CLCA2: variants seen among roughly 807,000 people sequenced by gnomAD.
CLCA2 encodes chloride channel accessory 2.
In CLCA2, 85 loss-of-function variants were observed where a neutral mutation model predicts 82.9. That is an observed-to-expected ratio of 1.03 (90% CI 0.86 to 1.23). The LOEUF is 1.23. CLCA2 is among the 50% of genes most tolerant of loss of function. The pLI is 0.00. For synonymous variants in CLCA2, 421 were observed against 391.7 expected (o/e 1.07, Z -0.88); for missense variants, 1,089 against 1,124.8 (o/e 0.97, Z 0.45).
At chr1:86,438,377 C>A (rs1041591658) in intron 6 of CLCA2, among the ~76,000 whole-genome samples, 1 of 152,170 alleles carries the variant, frequency 6.6e-6, no homozygotes, top group Admixed American at 6.5e-5. Context: ...ATTTCATAAA[C>A]AAGAAAGCTA....
chr1:86,441,502 A>C lies in CLCA2; in HGVS notation c.1447A>C (p.Ile483Leu). The C allele has an allele frequency of 6.2e-7, 1 of 1,612,484 alleles. No homozygotes were observed. Among genetic ancestry groups the C allele is most frequent in the Non-Finnish European group, 8.5e-7 (1 of 1,178,838 alleles). Residue 483 changes from isoleucine to leucine, a missense_variant, in exon 9 of 14, where the codon ATT becomes CTT. Ile to Leu is a conservative substitution (Grantham distance 5). Transcript: ENST00000370565. ...TAGCATGATTGATGCTTTCAGTAGA[A>C]TTTCCTCTGGAACTGGAGACATTTT... is the stretch of plus-strand genomic sequence containing the variant. ...SNSMIDAFSRISSGTGDIFQQ... is the reference protein window; with the variant it reads ...SNSMIDAFSRLSSGTGDIFQQ...
chr1:86,439,040 T>C lies in CLCA2; in HGVS notation c.1137T>C (p.Tyr379=). 1 of 1,614,168 alleles carries C rather than the reference T, an allele frequency of 6.2e-7. No homozygotes were observed. The highest frequency in any genetic ancestry group is 2.2e-5 in the East Asian group (1 of 44,874). ...ATGATCGAAAGTTGCTGGTTTCATA[T>C]CTGCCCACCACTGTATCAGCTAAAA... ...SNDDRKLLVS[Y]LPTTVSAKTD... Residue 379 remains tyrosine, a synonymous_variant, in exon 7 of 14, where the codon TAT becomes TAC. Coordinates refer to ENST00000370565, the MANE Select transcript of CLCA2 (RefSeq NM_006536.7).
rs1324049774 is a variant in CLCA2, at chr1:86,444,324, T to C, written c.1713+313T>C. ...CATACAAACACACTTTTCTATATGC[T>C]TAGAAAAAAATCTCTACTTAGAATT... On this transcript the variant is annotated intron_variant, in intron 10 of 13. Coordinates refer to ENST00000370565, the MANE Select transcript of CLCA2 (RefSeq NM_006536.7). Among the ~76,000 whole-genome samples the C allele has an allele frequency of 4.6e-5, 7 of 152,210 alleles. No homozygotes were observed. The East Asian group carries it at 1.2e-3, about 25-fold the overall frequency.
intron 12 of CLCA2, 129 bp from the exon 13 acceptor site, chr1:86,453,240 A>G: frequency 3.1e-6 from 2 of 637,720 alleles, no homozygotes; most frequent in South Asian, 3.9e-5. Context: ...GTATTGTACA[A>G]ATACACTCAG....
In CLCA2 at chr1:86,456,438, G is replaced by A. The variant is rs550807878; in HGVS notation, c.*911G>A. 2 of 152,204 alleles carry A rather than the reference G, an allele frequency of 1.3e-5. No individual in the cohort carries two copies. Among genetic ancestry groups the A allele is most frequent in the East Asian group, 1.9e-4 (1 of 5,188 alleles). The allele number at this position is 152,204 out of a possible 1,614,324, so 9.4% of individuals were successfully genotyped here. On this transcript the variant is annotated 3_prime_UTR_variant, in exon 14 of 14. Coordinates refer to ENST00000370565, the MANE Select transcript of CLCA2 (RefSeq NM_006536.7). ...ATCAAGAGTTACTTACCAAGGGCAG[G>A]GGAAGGGGGATATAGAGGTCACAAG...
chr1:86,425,358 C>T lies in CLCA2; in HGVS notation c.206C>T (p.Ser69Leu). The T allele has an allele frequency of 1.3e-6, 2 of 1,558,088 alleles. No homozygotes were observed. The highest frequency in any genetic ancestry group is 1.3e-5 in the South Asian group (1 of 79,924). Reference protein sequence around the residue: ...SNIKEMITEASFYLFNATKRR... With the variant: ...SNIKEMITEALFYLFNATKRR... ...CTGTAGGAAATGATAACTGAAGCTT[C>T]ATTTTACCTATTTAATGCTACCAAG... Residue 69 changes from serine to leucine, a missense_variant, in exon 2 of 14, where the codon TCA (serine) becomes TTA (leucine). Coordinates refer to ENST00000370565, the MANE Select transcript of CLCA2 (RefSeq NM_006536.7).
chr1:86,428,146 G>T (rs1338090523), intron 2 of CLCA2, among the ~76,000 whole-genome samples: 1 of 152,178 alleles, frequency 6.6e-6, no homozygotes, highest in Non-Finnish European at 1.5e-5. Flanking sequence ...TCAAATGGAA[G>T]TAATTAGGTT....
At chr1:86,428,947 A>G (rs1662442386) in intron 3 of CLCA2, among the ~76,000 whole-genome samples, 1 of 152,316 alleles carries the variant, frequency 6.6e-6, no homozygotes, top group African/African-American at 2.4e-5. Flanking sequence ...TTAAAGGCAT[A>G]TAGGAGAGAC....
At chr1:86,446,293 C>T (rs1003363825) in intron 10 of CLCA2, among the ~76,000 whole-genome samples, 1 of 150,336 alleles carries the variant, frequency 6.7e-6, no homozygotes, top group African/African-American at 2.5e-5. Context: ...CATACCAGAC[C>T]CTTCATGTTT....
At position 86,455,509 on chromosome 1, in the gene CLCA2, T is replaced by C. The variant is rs141528729; in HGVS notation, c.2814T>C (p.Asn938=). The C allele has an allele frequency of 3.6e-5, 53 of 1,482,578 alleles. No homozygotes were observed. The highest frequency in any genetic ancestry group is 1.0e-4 in the Admixed American group (4 of 39,728). The allele number at this position is 1,482,578 out of a possible 1,614,324, so 91.8% of individuals were successfully genotyped here. A position where few individuals can be genotyped will look rare whatever the true frequency, so the allele number is the denominator to read the frequency against. ...AAAAGAGAGCAGACAAGAAAGAGAA[T>C]GGAACAAAATTATTATAAATAAATA... ...SRKKRADKKE[N]GTKLL is the part of the protein sequence containing the mutation. The change falls in exon 14 of 14, where the codon AAT becomes AAC. Residue 938 remains asparagine (N), a synonymous_variant. Transcript: ENST00000370565.
chr1:86,440,142 G>A lies in CLCA2; in HGVS notation c.1204-6G>A, dbSNP rs1307157848. On this transcript the variant is annotated splice_polypyrimidine_tract_variant and splice_region_variant and intron_variant, in intron 7 of 13. Coordinates refer to ENST00000370565, the MANE Select transcript of CLCA2 (RefSeq NM_006536.7). ...TCCTTCCAAGTGACTAATTCTCTATGTTCAGGTGGTTGAAAAACTGAATGG... is the reference window on the plus strand; with the variant it reads ...TCCTTCCAAGTGACTAATTCTCTATATTCAGGTGGTTGAAAAACTGAATGG... 8 of 1,613,246 alleles carry A rather than the reference G, an allele frequency of 5.0e-6. No individual in the cohort carries two copies. The East Asian group carries it at 1.6e-4, about 31-fold the overall frequency.
intron 6 of CLCA2, among the ~76,000 whole-genome samples, chr1:86,435,342 A>G (rs1662586979): frequency 6.6e-6 from 1 of 152,192 alleles, no homozygotes; most frequent in Admixed American, 6.5e-5. Flanking sequence ...AATGATCGAA[A>G]ATTCTTATGT....
chr1:86,434,598 A>G lies in CLCA2; in HGVS notation c.825A>G (p.Ala275=), dbSNP rs778080570. The change falls in exon 6 of 14, where the codon GCA becomes GCG. Residue 275 remains alanine (A), a synonymous_variant. Transcript: ENST00000370565. ...LQNQMCSLRS[A]WDVITDSADF... Reference sequence around the variant, plus strand: ...ACCAGATGTGCAGCCTCAGAAGTGCATGGGATGTAATCACAGACTCTGCTG... The same window carrying G: ...ACCAGATGTGCAGCCTCAGAAGTGCGTGGGATGTAATCACAGACTCTGCTG... 10 of 1,614,122 alleles carry G rather than the reference A, an allele frequency of 6.2e-6. No homozygotes were observed. Among genetic ancestry groups the G allele is most frequent in the South Asian group, 1.1e-5 (1 of 91,082 alleles).
intron 6 of CLCA2, among the ~76,000 whole-genome samples, chr1:86,435,043 T>A (rs1662577515): frequency 6.6e-6 from 1 of 152,160 alleles, no homozygotes; most frequent in Non-Finnish European, 1.5e-5. Context: ...GATCTTCCCA[T>A]CTCAGTCTTC....
intron 12 of CLCA2, 87 bp from the exon 13 acceptor site, chr1:86,453,281 GT>G (rs938728844): frequency 3.2e-6 from 3 of 940,230 alleles, no homozygotes; most frequent in Non-Finnish European, 4.8e-6. Flanking sequence ...AGAAAAAAAG[GT>G]TTAAGAAAGT....
intron 4 of CLCA2, 139 bp from the exon 5 acceptor site, chr1:86,432,230 C>T (rs568198116): frequency 2.9e-5 from 27 of 927,508 alleles, no homozygotes; most frequent in Non-Finnish European, 4.2e-5. Flanking sequence ...GCCACAGCAC[C>T]CCGCCAGTAG....
At position 86,447,732 on chromosome 1, in the gene CLCA2, A is replaced by G. The variant is rs751145969; in HGVS notation, c.1938A>G (p.Pro646=). The part of the protein sequence containing the change: ...LNATVTATVE[P]ETGDPVTLRL... ...CCACTGTCACTGCCACAGTTGAGCCAGAGACTGGAGATCCTGTTACGCTGA... is the reference window on the plus strand; with the variant it reads ...CCACTGTCACTGCCACAGTTGAGCCGGAGACTGGAGATCCTGTTACGCTGA... The change falls in exon 11 of 14, where the codon CCA becomes CCG. Residue 646 remains proline, a synonymous_variant. Coordinates refer to ENST00000370565, the MANE Select transcript of CLCA2 (RefSeq NM_006536.7). The G allele has an allele frequency of 2.5e-6, 4 of 1,613,970 alleles. No homozygotes were observed. The South Asian group carries it at 3.3e-5, about 13-fold the overall frequency.
intron 6 of CLCA2, among the ~76,000 whole-genome samples, chr1:86,435,782 T>A (rs9433030): frequency 0.84 from 127,806 of 152,148 alleles, 53,861 homozygotes; most frequent in South Asian, 0.87. Flanking sequence ...AAAATATATG[T>A]AAACGAATAT....
At chr1:86,447,898 C>A in intron 11 of CLCA2, 120 bp downstream of exon 11, 2 of 1,007,610 alleles carry the variant, frequency 2.0e-6, no homozygotes, top group South Asian at 1.7e-5. Flanking sequence ...TTTAATCTTA[C>A]AATATTCTCA....
Sources: allele counts gnomAD v4.1 joint callset (sites outside exome capture counted in the v4.1 genomes callset), GRCh38; gene constraint gnomAD v4.1.1; transcripts MANE v1.5; gene names NCBI Gene and HGNC (gene_info 2026-07-23, HGNC 2026-07-21).